Variants in MYLK4 observed in about 807,000 individuals in gnomAD.
The protein encoded by MYLK4 is caMLCK like.
Under a neutral mutation model 48.1 loss-of-function variants are expected in MYLK4, and 46 were observed. That is an observed-to-expected ratio of 0.96 (90% CI 0.75 to 1.22). The LOEUF (loss-of-function observed/expected upper bound fraction) is 1.22, where lower values mean the gene tolerates loss of function less well. MYLK4 is among the 50% of genes most tolerant of loss of function. The probability of loss-of-function intolerance (pLI) is 0.00; values close to 1 mark genes in which losing one functional copy is unlikely to be tolerated. For synonymous variants in MYLK4, 170 were observed against 180.8 expected (o/e 0.94, Z 0.48); for missense variants, 451 against 486.1 (o/e 0.93, Z 0.68).
intron 3 of MYLK4, among the ~76,000 whole-genome samples, chr6:2,690,052 G>A (rs1052609474): frequency 7.9e-5 from 12 of 152,174 alleles, no homozygotes; most frequent in South Asian, 4.1e-4. Flanking sequence ...TATATCTCCT[G>A]CAGGCTGTTA....
At chr6:2,757,969 T>G in the MYLK4 span, among the ~76,000 whole-genome samples, 2 of 152,238 alleles carry the variant, frequency 1.3e-5, no homozygotes, top group Non-Finnish European at 2.9e-5. Flanking sequence ...CAAGAGCTGC[T>G]CAGTCTTCCC....
At chr6:2,762,123 T>C in the MYLK4 span, among the ~76,000 whole-genome samples, 6 of 152,164 alleles carry the variant, frequency 3.9e-5, no homozygotes, top group Admixed American at 1.3e-4. Flanking sequence ...TTGGCCACGA[T>C]GGTCCCCAAC....
chr6:2,680,533 C>T (rs2038761), intron 7 of MYLK4: 277,785 of 985,164 alleles, frequency 0.28, 40,468 homozygotes, highest in East Asian at 0.44. Context: ...CACCATAATG[C>T]CTGAGTTCAG....
chr6:2,731,903 C>T (rs945388074), intron 2 of MYLK4, among the ~76,000 whole-genome samples: 2 of 152,184 alleles, frequency 1.3e-5, no homozygotes, highest in Admixed American at 6.5e-5. Flanking sequence ...AAGTAGGTGA[C>T]CATGGCATCA....
chr6:2,760,118 T>C, the MYLK4 span, among the ~76,000 whole-genome samples: 3 of 152,080 alleles, frequency 2.0e-5, no homozygotes, highest in Admixed American at 6.5e-5. Context: ...TGATTTAAAA[T>C]ATATGAGCAT....
At chr6:2,758,539 C>T in the MYLK4 span, among the ~76,000 whole-genome samples, 6 of 151,602 alleles carry the variant, frequency 4.0e-5, no homozygotes, top group Non-Finnish European at 7.4e-5. Context: ...AAAAGCAATA[C>T]TCATAAAGCC....
chr6:2,676,652 A>T (rs1216993316), intron 10 of MYLK4, among the ~76,000 whole-genome samples: 1 of 152,208 alleles, frequency 6.6e-6, no homozygotes, highest in Admixed American at 6.5e-5. Flanking sequence ...GCCAGTTGCC[A>T]TCGGCCCAAA....
chr6:2,682,960 A>G (rs1370012562), intron 7 of MYLK4, 61 bp downstream of exon 7: 7 of 1,589,898 alleles, frequency 4.4e-6, no homozygotes, highest in Middle Eastern at 3.3e-4. Flanking sequence ...AATAGCAGAC[A>G]GGGCCCACTG....
intron 2 of MYLK4, among the ~76,000 whole-genome samples, chr6:2,748,741 G>A (rs1280937758): frequency 6.6e-6 from 1 of 152,216 alleles, no homozygotes; most frequent in Non-Finnish European, 1.5e-5. Context: ...ACTATCAACA[G>A]CTCTGCTGTC....
chr6:2,677,233 C>A (rs1761115265), intron 10 of MYLK4, among the ~76,000 whole-genome samples: 1 of 152,094 alleles, frequency 6.6e-6, no homozygotes, highest in Non-Finnish European at 1.5e-5. Context: ...ATTTGTGCCT[C>A]TATTCTTAGC....
Position 2,703,467 on chromosome 6 carries a change from A to G in MYLK4, c.160-10608T>C, listed in dbSNP as rs533151469. Among the ~76,000 whole-genome samples the G allele has an allele frequency of 1.3e-4, 20 of 152,264 alleles. 3 individuals carry two copies. The South Asian group carries it at 3.9e-3, about 30-fold the overall frequency. On this transcript the variant is annotated intron_variant, in intron 2 of 12. Transcript: ENST00000274643. Reference sequence around the variant, plus strand: ...GCCTTTACCTACCTTAGGCCCTGGGACGGTGGCCCTGAAATTATTAAAGTT... The same window carrying G: ...GCCTTTACCTACCTTAGGCCCTGGGGCGGTGGCCCTGAAATTATTAAAGTT...
intron 2 of MYLK4, among the ~76,000 whole-genome samples, chr6:2,703,765 G>C (rs906561171): frequency 7.5e-6 from 1 of 133,364 alleles, no homozygotes. Flanking sequence ...CCGCCTCCGG[G>C]GTTCAAGCGA....
intron 2 of MYLK4, among the ~76,000 whole-genome samples, chr6:2,712,344 A>G (rs60863387): frequency 0.02 from 3,098 of 152,272 alleles, 88 homozygotes; most frequent in African/African-American, 0.071. Context: ...CCTGGCTAGC[A>G]AATTCCAGAA....
chr6:2,722,107 C>A (rs1021700972), intron 2 of MYLK4, among the ~76,000 whole-genome samples: 3 of 152,160 alleles, frequency 2.0e-5, no homozygotes, highest in African/African-American at 7.2e-5. Context: ...TCCTCAGATA[C>A]CAGCTGTGCT....
chr6:2,761,863 T>C, the MYLK4 span, among the ~76,000 whole-genome samples: 1 of 152,160 alleles, frequency 6.6e-6, no homozygotes, highest in Admixed American at 6.5e-5. Context: ...TAATATAGGA[T>C]AGAAAAGCAC....
intron 12 of MYLK4, among the ~76,000 whole-genome samples, chr6:2,668,286 G>A (rs1329286070): frequency 6.6e-6 from 1 of 152,182 alleles, no homozygotes; most frequent in Non-Finnish European, 1.5e-5. Context: ...CAGCATCAAA[G>A]TGAGAATGTG....
chr6:2,699,294 T>TTTTTTTTTTTTTTTTTTG (rs1762195297), intron 2 of MYLK4, among the ~76,000 whole-genome samples: 1 of 120,354 alleles, frequency 8.3e-6, no homozygotes, highest in Non-Finnish European at 1.7e-5. Context: ...TTTCTTTTTT[T>TTTTTTTTTTTTTTTTTTG]TTTTTTTTTT....
the MYLK4 span, among the ~76,000 whole-genome samples, chr6:2,769,213 T>G: frequency 6.6e-6 from 1 of 152,222 alleles, no homozygotes; most frequent in Non-Finnish European, 1.5e-5. Flanking sequence ...GATTTTAAGG[T>G]CATTATTTTA....
chr6:2,740,944 C>T (rs1316120351), intron 2 of MYLK4, among the ~76,000 whole-genome samples: 1 of 152,200 alleles, frequency 6.6e-6, no homozygotes, highest in Non-Finnish European at 1.5e-5. Flanking sequence ...CTTTGGGCCA[C>T]TTCATTGCAA....
Sources: gnomAD v4.1 joint callset for allele counts (sites outside exome capture counted in the v4.1 genomes callset) on GRCh38, gnomAD v4.1.1 for gene constraint, MANE v1.5 for transcripts, NCBI Gene and HGNC (gene_info 2026-07-23, HGNC 2026-07-21) for gene names.